The following EIF3L variants were observed in gnomAD, a reference collection of about 807,000 sequenced individuals.
The protein encoded by EIF3L is eukaryotic translation initiation factor 3 subunit L, also known as eIEF associated protein HSPC021.
In EIF3L, 32 loss-of-function variants were observed where a neutral mutation model predicts 74.6. The observed-to-expected ratio is 0.43, with a 90% confidence interval of 0.32 to 0.58. The LOEUF is 0.58. Ranked by LOEUF, EIF3L falls within the 20% of genes least tolerant of loss-of-function variation. The probability of loss-of-function intolerance (pLI) is 0.06; values close to 1 mark genes in which losing one functional copy is unlikely to be tolerated. For missense variants in EIF3L, 474 were observed against 707.8 expected (o/e 0.67, Z 3.75); for synonymous variants, 256 against 254.4 (o/e 1.01, Z -0.06).
chr22:37,857,013 A>G (rs751390338), intron 4 of EIF3L, among the ~76,000 whole-genome samples: 9 of 151,440 alleles, frequency 5.9e-5, no homozygotes, highest in Non-Finnish European at 8.8e-5. Flanking sequence ...GGATTTTGAG[A>G]GGAATTGCCT....
chr22:37,888,259 C>A (rs1041556257), intron 12 of EIF3L, 167 bp from the exon 13 acceptor site: 1 of 652,256 alleles, frequency 1.5e-6, no homozygotes, highest in Middle Eastern at 2.6e-4. Context: ...CTGTGCAGGG[C>A]CATATGAATG....
intron 7 of EIF3L, among the ~76,000 whole-genome samples, chr22:37,867,983 A>G (rs1228828428): frequency 1.3e-5 from 2 of 151,674 alleles, no homozygotes; most frequent in African/African-American, 2.4e-5. Flanking sequence ...AAAAGAAAAA[A>G]AAATCATACT....
rs766805331 is a variant in EIF3L at position 37,863,034 on chromosome 22, T to C, written c.501T>C (p.Ile167=). 23 of 1,613,202 alleles carry C rather than the reference T, an allele frequency of 1.4e-5. No homozygotes were observed. Among genetic ancestry groups the C allele is most frequent in the Middle Eastern group, 1.7e-4 (1 of 6,058 alleles). Residue 167 remains isoleucine, a synonymous_variant, in exon 6 of 13, where the codon ATT becomes ATC. Transcript: ENST00000652021. ...ACTACTGCAATCTCTTCAACTACAT[T>C]CTTAGTGAGTCTGAGATTTGGCCAA... The part of the protein sequence containing the change: ...YYNYCNLFNY[I]LNADGPAPLE...
At chr22:37,858,593 C>T (rs1925668986) in intron 4 of EIF3L, 86 bp from the exon 5 acceptor site, 2 of 1,218,056 alleles carry the variant, frequency 1.6e-6, no homozygotes, top group Non-Finnish European at 1.2e-6. Flanking sequence ...TCAGAATTAC[C>T]TTTATTCCTC....
chr22:37,856,057 T>A lies in EIF3L; in HGVS notation c.373+413T>A, dbSNP rs942524010. Among the ~76,000 whole-genome samples the A allele has an allele frequency of 2.6e-5, 4 of 151,720 alleles. No individual in the cohort carries two copies. In the South Asian group the frequency reaches 8.3e-4, roughly 31 times the overall value. On this transcript the variant is annotated intron_variant, in intron 4 of 12. Transcript: ENST00000652021. Reference sequence around the variant, plus strand: ...ATTTATTTATTTATTTATTTTATTTTATTATTATTATTTTTTTTGAGATGG... The same window carrying A: ...ATTTATTTATTTATTTATTTTATTTAATTATTATTATTTTTTTTGAGATGG...
chr22:37,861,801 A>G (rs957947349), intron 5 of EIF3L, among the ~76,000 whole-genome samples: 1 of 152,168 alleles, frequency 6.6e-6, no homozygotes, highest in African/African-American at 2.4e-5. Flanking sequence ...ACACCATGAC[A>G]CCATAGCCCA....
At position 37,870,096 on chromosome 22, in the gene EIF3L, G is replaced by C. The variant is rs879039418; in HGVS notation, c.580-80G>C. On this transcript the variant is annotated intron_variant, in intron 7 of 12. Coordinates refer to ENST00000652021, the MANE Select transcript of EIF3L (RefSeq NM_016091.4). ...TTGCCCCATCCAGAGCCAGAGCATT[G>C]CCTCGTTTTCAGCATTGTGGACATG... 4.5e-6 allele frequency: 6 copies of C among 1,320,772 alleles called. No individual in the cohort carries two copies. In the South Asian group the frequency reaches 8.8e-5, roughly 19 times the overall value. 81.8% of individuals were successfully genotyped at this position (1,320,772 alleles called of 1,614,324 possible). A position where few individuals can be genotyped will look rare whatever the true frequency, so the allele number is the denominator to read the frequency against.
At chr22:37,878,927 G>GT (rs1926899367) in intron 11 of EIF3L, 1 of 151,464 alleles carries the variant, frequency 6.6e-6, no homozygotes, top group Non-Finnish European at 1.5e-5. Flanking sequence ...CTTGAAGGAG[G>GT]TGAGGGAGTA....
chr22:37,885,040 T>A (rs117346148), intron 11 of EIF3L: 9,833 of 150,458 alleles, frequency 0.065, 449 homozygotes, highest in Non-Finnish European at 0.1. Flanking sequence ...TATCTCAGCT[T>A]CTCAAGTAGC....
At chr22:37,858,803 G>A (rs1178245098) in intron 5 of EIF3L, 63 bp downstream of exon 5, 4 of 1,426,116 alleles carry the variant, frequency 2.8e-6, no homozygotes, top group Non-Finnish European at 3.9e-6. Flanking sequence ...TGCTGTTTTT[G>A]TCCCTAGAAC....
rs1232371386 is a variant in EIF3L, at chr22:37,877,961, C to T, written c.1365C>T (p.Ala455=). ...KVFSDEVQQQ[A]QLSTIRSFLK... is the part of the protein sequence containing the mutation. ...TTTCTGATGAAGTACAGCAGCAGGC[C>T]CAGCTTTCAACCATCCGCAGCTTCC... Residue 455 remains alanine (A), a synonymous_variant, in exon 11 of 13, where the codon GCC becomes GCT. Transcript: ENST00000652021. 2 of 1,612,488 alleles carry T rather than the reference C, an allele frequency of 1.2e-6. No individual in the cohort carries two copies. Among genetic ancestry groups the T allele is most frequent in the Non-Finnish European group, 1.7e-6 (2 of 1,179,868 alleles).
rs71195065 is a variant in EIF3L at position 37,868,634 on chromosome 22, C to CTTTT, written c.580-1520_580-1517dup. On this transcript the variant is annotated intron_variant, in intron 7 of 12. Transcript: ENST00000652021. ...ACACCTGGCTATTTTTGTTTTGGTG[C>CTTTT]TTTTTTTTTTTTTTTTTTTTTTTTT... Among the ~76,000 whole-genome samples, 73 of 25,124 alleles carry CTTTT rather than the reference C, an allele frequency of 2.9e-3. 16 individuals are homozygous for CTTTT. The highest frequency in any genetic ancestry group is 6.9e-3 in the East Asian group (3 of 434). The allele number at this position is 25,124 out of a possible 152,430, so 16.5% of individuals were successfully genotyped here.
intron 8 of EIF3L, 67 bp downstream of exon 8, chr22:37,870,414 A>G (rs1926408832): frequency 1.4e-6 from 2 of 1,476,276 alleles, no homozygotes; most frequent in African/African-American, 1.4e-5. Context: ...TTCCAAATGA[A>G]TAGATCACTG....
chr22:37,850,667 TTAAG>T (rs1196130182), intron 2 of EIF3L: 1 of 162,800 alleles, frequency 6.1e-6, no homozygotes, highest in Non-Finnish European at 1.4e-5. Context: ...TGTGAAAAAT[TTAAG>T]TAATTCAAAC....
chr22:37,870,326 T>C lies in EIF3L; in HGVS notation c.730T>C (p.Leu244=), dbSNP rs765942472. ...LVDKSNINRQ[L]EVYTSGGDPE... is the part of the protein sequence containing the mutation. ...AGACAAATCCAACATCAACCGACAG[T>C]TGGAGGTATACACAAGCGGAGGTGA... Residue 244 remains leucine, a synonymous_variant, in exon 8 of 13, where the codon TTG becomes CTG. Transcript: ENST00000652021. 3.7e-6 allele frequency: 6 copies of C among 1,611,438 alleles called. No homozygotes were observed. The highest frequency in any genetic ancestry group is 1.3e-5 in the African/African-American group (1 of 74,826).
intron 12 of EIF3L, 187 bp downstream of exon 12, chr22:37,887,032 G>A (rs770980491): frequency 2.3e-5 from 10 of 438,548 alleles, no homozygotes; most frequent in Admixed American, 5.5e-5. Flanking sequence ...GGGTTCAAGC[G>A]AGTCTCCCTC....
intron 5 of EIF3L, among the ~76,000 whole-genome samples, chr22:37,859,569 A>G (rs1308967054): frequency 6.6e-6 from 1 of 150,950 alleles, no homozygotes; most frequent in Non-Finnish European, 1.5e-5. Context: ...TTTTTAGTAG[A>G]GACGGGGTTT....
intron 5 of EIF3L, among the ~76,000 whole-genome samples, chr22:37,861,529 C>G (rs189258151): frequency 7.9e-5 from 12 of 152,104 alleles, no homozygotes; most frequent in Non-Finnish European, 1.8e-4. Flanking sequence ...ACTAAAAATA[C>G]AAAAATTAGC....
In EIF3L at chr22:37,874,491, C is replaced by T. The variant is rs201199250; in HGVS notation, c.873C>T (p.Ile291=). ...HSLLGDYYQA[I]KVLENIELNK... ...TGTTAGGAGATTACTACCAGGCCATCAAGGTGCTGGAGAACATCGAACTGA... is the reference window on the plus strand; with the variant it reads ...TGTTAGGAGATTACTACCAGGCCATTAAGGTGCTGGAGAACATCGAACTGA... The change falls in exon 9 of 13, where the codon ATC becomes ATT. Residue 291 remains isoleucine, a synonymous_variant. Transcript: ENST00000652021. The T allele has an allele frequency of 8.1e-6, 13 of 1,614,162 alleles. No homozygotes were observed. The African/African-American group carries it at 1.7e-4, about 22-fold the overall frequency.
Sources: gnomAD v4.1 joint callset for allele counts (sites outside exome capture counted in the v4.1 genomes callset) on GRCh38, gnomAD v4.1.1 for gene constraint, MANE v1.5 for transcripts, NCBI Gene and HGNC (gene_info 2026-07-23, HGNC 2026-07-21) for gene names.